Variants in FBN2 observed in about 807,000 individuals in gnomAD.
FBN2 encodes fibrillin-2.
Under a neutral mutation model 355.6 loss-of-function variants are expected in FBN2, and 105 were observed. The ratio of observed to expected loss-of-function variants is 0.30; its 90% CI spans 0.25 to 0.35. FBN2 has a LOEUF of 0.35. Ranked by LOEUF, FBN2 falls within the 10% of genes least tolerant of loss-of-function variation. The probability of loss-of-function intolerance (pLI) is 1.00; values close to 1 mark genes in which losing one functional copy is unlikely to be tolerated. For missense variants in FBN2, 3,280 were observed against 3,758.7 expected, an observed-to-expected ratio of 0.87 and a Z score of 3.33; for synonymous variants, 1,350 against 1,301.2, an observed-to-expected ratio of 1.04 and a Z score of -0.81.
intron 19 of FBN2, 46 bp from the exon 20 acceptor site, chr5:128,357,441 C>T: frequency 6.2e-7 from 1 of 1,612,114 alleles, no homozygotes; most frequent in Non-Finnish European, 8.5e-7. Context: ...CCATGTGTTT[C>T]TGGAAAATAT....
chr5:128,482,110 A>G (rs1248758362), intron 5 of FBN2, among the ~76,000 whole-genome samples: 1 of 152,210 alleles, frequency 6.6e-6, no homozygotes, highest in Non-Finnish European at 1.5e-5. Flanking sequence ...TGAACTCTCA[A>G]CAAAAATGGA....
chr5:128,491,367 T>C (rs1755499826), intron 5 of FBN2, among the ~76,000 whole-genome samples: 1 of 152,234 alleles, frequency 6.6e-6, no homozygotes, highest in Non-Finnish European at 1.5e-5. Context: ...CAGGCAGTGA[T>C]AGACCTTGTG....
intron 6 of FBN2, among the ~76,000 whole-genome samples, chr5:128,463,039 G>T (rs1366645978): frequency 2.0e-5 from 3 of 151,978 alleles, no homozygotes; most frequent in African/African-American, 4.8e-5. Context: ...ATGTTAGAAG[G>T]TAATAAAGGG....
At chr5:128,380,487 T>C (rs1752202578) in intron 11 of FBN2, among the ~76,000 whole-genome samples, 1 of 152,108 alleles carries the variant, frequency 6.6e-6, no homozygotes, top group African/African-American at 2.4e-5. Context: ...AGTCTGCTCC[T>C]AAGGCTCCTT....
At chr5:128,376,105 C>T (rs1752070857) in intron 14 of FBN2, among the ~76,000 whole-genome samples, 1 of 151,998 alleles carries the variant, frequency 6.6e-6, no homozygotes, top group African/African-American at 2.4e-5. Flanking sequence ...ATGTATTATT[C>T]CACTTTATTA....
chr5:128,345,990 C>A (rs891086230), intron 23 of FBN2, among the ~76,000 whole-genome samples: 1 of 152,190 alleles, frequency 6.6e-6, no homozygotes, highest in African/African-American at 2.4e-5. Flanking sequence ...CGGCTATAAT[C>A]TATTTGCCAA....
chr5:128,350,754 A>G, intron 21 of FBN2, 114 bp downstream of exon 21: 2 of 1,243,728 alleles, frequency 1.6e-6, no homozygotes, highest in Non-Finnish European at 2.3e-6. Flanking sequence ...ACATTTTAGC[A>G]AAAGTAAATG....
intron 48 of FBN2, among the ~76,000 whole-genome samples, chr5:128,296,318 C>T (rs1229394945): frequency 2.4e-4 from 37 of 151,948 alleles, no homozygotes; most frequent in Non-Finnish European, 5.3e-4. Context: ...TGTGTCTCTG[C>T]CCGGCTTTGG....
chr5:128,420,213 T>C (rs941273815), intron 7 of FBN2, among the ~76,000 whole-genome samples: 10 of 152,208 alleles, frequency 6.6e-5, no homozygotes, highest in Admixed American at 1.3e-4. Flanking sequence ...TCCCATTCCA[T>C]GTTCTTTTTA....
rs190233128 is a variant in FBN2 at position 128,479,606 on chromosome 5, T to A, written c.629-14685A>T. On this transcript the variant is annotated intron_variant, in intron 5 of 64. Coordinates refer to ENST00000262464, the MANE Select transcript of FBN2 (RefSeq NM_001999.4). ...GGCTGAACCAGGTGAAAAGACATGA[T>A]AAAGATTCACATAAATTTCTTCTTA... Among the ~76,000 whole-genome samples the A allele has an allele frequency of 3.9e-3, 599 of 152,182 alleles. 3 individuals are homozygous for A. The highest frequency in any genetic ancestry group is 0.014 in the African/African-American group (566 of 41,516).
chr5:128,531,941 A>T (rs1040992734), intron 2 of FBN2, among the ~76,000 whole-genome samples: 1 of 152,120 alleles, frequency 6.6e-6, no homozygotes, highest in Non-Finnish European at 1.5e-5. Flanking sequence ...TTCATTAAAG[A>T]CTGAGAGTTT....
At chr5:128,291,963 C>T (rs1749335984) in intron 48 of FBN2, among the ~76,000 whole-genome samples, 1 of 152,020 alleles carries the variant, frequency 6.6e-6, no homozygotes, top group African/African-American at 2.4e-5. Flanking sequence ...CTCCATGTGG[C>T]CAAATGTTCT....
chr5:128,366,454 G>C, intron 16 of FBN2, 24 bp from the exon 17 acceptor site: 1 of 1,546,660 alleles, frequency 6.5e-7, no homozygotes, highest in East Asian at 2.3e-5. Flanking sequence ...AGAAATAGAA[G>C]AATTAAAAAC....
At chr5:128,529,119 G>A (rs1277383441) in intron 3 of FBN2, among the ~76,000 whole-genome samples, 1 of 152,172 alleles carries the variant, frequency 6.6e-6, no homozygotes, top group Non-Finnish European at 1.5e-5. Context: ...TCAATTGCTT[G>A]CTATTTCTTG....
chr5:128,479,966 CTCTCTCTCTCTATATATATATATATA>C (rs1464979691), intron 5 of FBN2, among the ~76,000 whole-genome samples: 59 of 31,572 alleles, frequency 1.9e-3, no homozygotes, highest in South Asian at 4.2e-3. Context: ...CTCTCTCTCT[CTCTCTCTCTCTATATATATATATATA>C]TATATATATA....
intron 9 of FBN2, among the ~76,000 whole-genome samples, chr5:128,393,613 T>G (rs192423692): frequency 6.6e-6 from 1 of 152,258 alleles, no homozygotes. Flanking sequence ...ATCATTTACA[T>G]GTGTATTTTT....
intron 5 of FBN2, among the ~76,000 whole-genome samples, chr5:128,508,446 C>A (rs1172883975): frequency 6.6e-6 from 1 of 151,742 alleles, no homozygotes; most frequent in African/African-American, 2.4e-5. Flanking sequence ...AGGTTTACAC[C>A]ACACATCTTT....
chr5:128,369,739 A>G (rs1485238535), intron 15 of FBN2, among the ~76,000 whole-genome samples: 1 of 152,192 alleles, frequency 6.6e-6, no homozygotes, highest in Non-Finnish European at 1.5e-5. Context: ...AGTGCAATCA[A>G]GTTAAACTAC....
At chr5:128,422,778 T>C (rs1753384586) in intron 7 of FBN2, among the ~76,000 whole-genome samples, 1 of 152,194 alleles carries the variant, frequency 6.6e-6, no homozygotes, top group African/African-American at 2.4e-5. Context: ...TACAAAACTT[T>C]ACTGTGTGTA....
Sources: gnomAD v4.1 joint callset for allele counts (sites outside exome capture counted in the v4.1 genomes callset) on GRCh38, gnomAD v4.1.1 for gene constraint, MANE v1.5 for transcripts, NCBI Gene and HGNC (gene_info 2026-07-23, HGNC 2026-07-21) for gene names.